Variants in PGCKA1 observed in about 807,000 individuals in gnomAD.
The protein encoded by PGCKA1 is PDCD10 and GCKIII kinases associated 1, also known as PDCD10 and GCKIII kinases-associated protein 1.
the PGCKA1 span, among the ~76,000 whole-genome samples, chr4:37,532,218 T>C: frequency 6.6e-6 from 1 of 152,214 alleles, no homozygotes. Flanking sequence ...CTTAAAAGTG[T>C]GTTAAGTCTA....
At chr4:37,522,533 G>A in the PGCKA1 span, among the ~76,000 whole-genome samples, 8 of 151,996 alleles carry the variant, frequency 5.3e-5, no homozygotes, top group Non-Finnish European at 7.4e-5. Flanking sequence ...GTCAATTCCT[G>A]GAATCTGGGA....
At chr4:37,532,268 T>G in the PGCKA1 span, among the ~76,000 whole-genome samples, 1 of 152,242 alleles carries the variant, frequency 6.6e-6, no homozygotes, top group Admixed American at 6.5e-5. Context: ...TCTTCCAATA[T>G]TCAAAAGCTA....
the PGCKA1 span, among the ~76,000 whole-genome samples, chr4:37,468,837 G>A: frequency 3.3e-5 from 5 of 152,036 alleles, no homozygotes; most frequent in Non-Finnish European, 7.3e-5. Context: ...GGTTCACAAT[G>A]CCTTAAATAT....
chr4:37,465,758 C>T, the PGCKA1 span, among the ~76,000 whole-genome samples: 41 of 152,312 alleles, frequency 2.7e-4, no homozygotes, highest in African/African-American at 9.4e-4. Flanking sequence ...TTCACCCTCA[C>T]AATCCAAGTT....
At chr4:37,486,040 T>C in the PGCKA1 span, among the ~76,000 whole-genome samples, 4 of 152,234 alleles carry the variant, frequency 2.6e-5, no homozygotes, top group Admixed American at 2.6e-4. Flanking sequence ...GAGACGGATA[T>C]GTCTTTGTTC....
the PGCKA1 span, among the ~76,000 whole-genome samples, chr4:37,526,906 C>T: frequency 6.6e-6 from 1 of 152,084 alleles, no homozygotes; most frequent in Admixed American, 6.5e-5. Context: ...GCAGGTCCTT[C>T]AGGAGGTATT....
the PGCKA1 span, among the ~76,000 whole-genome samples, chr4:37,461,454 G>A: frequency 6.6e-6 from 1 of 151,902 alleles, no homozygotes; most frequent in African/African-American, 2.4e-5. Context: ...CCATGAGGAT[G>A]GAATGTTTTT....
chr4:37,487,802 C>T, the PGCKA1 span, among the ~76,000 whole-genome samples: 1 of 152,252 alleles, frequency 6.6e-6, no homozygotes, highest in Admixed American at 6.5e-5. Context: ...TTGTGTAAGG[C>T]TTCTTTTACT....
At chr4:37,454,821 T>C in the PGCKA1 span, among the ~76,000 whole-genome samples, 2 of 152,200 alleles carry the variant, frequency 1.3e-5, no homozygotes, top group Non-Finnish European at 2.9e-5. Context: ...GCATGGCAAT[T>C]GACCTTAAAA....
the PGCKA1 span, among the ~76,000 whole-genome samples, chr4:37,564,993 CACT>C: frequency 6.6e-6 from 1 of 151,832 alleles, no homozygotes; most frequent in South Asian, 2.1e-4. Context: ...CAGACACACA[CACT>C]AGTCTTTATT....
At chr4:37,507,860 G>T in the PGCKA1 span, among the ~76,000 whole-genome samples, 1 of 151,962 alleles carries the variant, frequency 6.6e-6, no homozygotes, top group African/African-American at 2.4e-5. Context: ...TGTTGAACAG[G>T]TCTGGTATTC....
the PGCKA1 span, among the ~76,000 whole-genome samples, chr4:37,507,632 T>A: frequency 6.6e-6 from 1 of 152,196 alleles, no homozygotes; most frequent in Non-Finnish European, 1.5e-5. Flanking sequence ...GTGCAGTCTG[T>A]GGCTTGAATA....
the PGCKA1 span, among the ~76,000 whole-genome samples, chr4:37,564,330 T>C: frequency 6.7e-6 from 1 of 149,324 alleles, no homozygotes; most frequent in East Asian, 2.0e-4. Flanking sequence ...ACAATTGCCA[T>C]GAACATGCAA....
chr4:37,527,356 C>G, the PGCKA1 span, among the ~76,000 whole-genome samples: 1 of 151,992 alleles, frequency 6.6e-6, no homozygotes, highest in Non-Finnish European at 1.5e-5. Flanking sequence ...CAGTAGTGTC[C>G]AGTAATAGCC....
At chr4:37,580,691 T>C in the PGCKA1 span, among the ~76,000 whole-genome samples, 1 of 152,312 alleles carries the variant, frequency 6.6e-6, no homozygotes, top group East Asian at 1.9e-4. Flanking sequence ...ACTAGGACTG[T>C]GCTGGGTCAG....
At chr4:37,477,178 G>T in the PGCKA1 span, among the ~76,000 whole-genome samples, 1 of 152,098 alleles carries the variant, frequency 6.6e-6, no homozygotes, top group African/African-American at 2.4e-5. Flanking sequence ...AAAATAATAC[G>T]TGATACATCC....
At chr4:37,521,913 A>T in the PGCKA1 span, among the ~76,000 whole-genome samples, 2 of 152,192 alleles carry the variant, frequency 1.3e-5, no homozygotes, top group South Asian at 4.1e-4. Flanking sequence ...CCTGTTATCA[A>T]ATTGACCCCT....
chr4:37,506,368 T>C, the PGCKA1 span, among the ~76,000 whole-genome samples: 1 of 152,126 alleles, frequency 6.6e-6, no homozygotes, highest in Admixed American at 6.5e-5. Context: ...GTTAGCTTAT[T>C]TATTTGATGT....
At chr4:37,579,764 T>A in the PGCKA1 span, among the ~76,000 whole-genome samples, 2 of 152,194 alleles carry the variant, frequency 1.3e-5, no homozygotes, top group Non-Finnish European at 2.9e-5. Context: ...CTTCTTTGGG[T>A]TAAATCTGCT....
Sources: allele counts gnomAD v4.1 joint callset (sites outside exome capture counted in the v4.1 genomes callset), GRCh38; gene constraint gnomAD v4.1.1; transcripts MANE v1.5; gene names NCBI Gene and HGNC (gene_info 2026-07-23, HGNC 2026-07-21).